ADARB2: variants seen among roughly 807,000 people sequenced by gnomAD.
ADARB2 encodes adenosine deaminase RNA specific B2 (inactive).
A neutral mutation model predicts 62.2 loss-of-function variants in ADARB2; 25 were observed. That is an observed-to-expected ratio of 0.40 (90% CI 0.29 to 0.56). The LOEUF (loss-of-function observed/expected upper bound fraction) is 0.56, where lower values mean the gene tolerates loss of function less well. Ranked by LOEUF, ADARB2 falls within the 20% of genes least tolerant of loss-of-function variation. ADARB2 has a pLI of 0.43. For missense variants in ADARB2, 1,071 were observed against 1,077.4 expected (o/e 0.99, Z 0.08); for synonymous variants, 572 against 500.8 (o/e 1.14, Z -1.90).
intron 1 of ADARB2, among the ~76,000 whole-genome samples, chr10:1,466,115 C>T (rs973386709): frequency 3.3e-5 from 5 of 152,250 alleles, no homozygotes; most frequent in African/African-American, 4.8e-5. Context: ...GGGTTAAACC[C>T]GTAGTCCACT....
chr10:1,328,720 G>C (rs11598750), intron 3 of ADARB2, among the ~76,000 whole-genome samples: 60,233 of 151,966 alleles, frequency 0.4, 14,282 homozygotes, highest in South Asian at 0.61. Context: ...GCCAAGCGTA[G>C]TGGCTCATAT....
intron 1 of ADARB2, among the ~76,000 whole-genome samples, chr10:1,468,266 G>T (rs1317863244): frequency 6.6e-6 from 1 of 152,176 alleles, no homozygotes. Flanking sequence ...TGGGAGGGAG[G>T]CCCAGGGTGG....
intron 3 of ADARB2, among the ~76,000 whole-genome samples, chr10:1,301,973 C>T (rs568521001): frequency 1.3e-5 from 2 of 152,292 alleles, no homozygotes; most frequent in African/African-American, 4.8e-5. Context: ...TGGTGTTGTG[C>T]ACTGCATGGG....
chr10:1,341,723 G>A (rs561487884), intron 3 of ADARB2, among the ~76,000 whole-genome samples: 24 of 149,526 alleles, frequency 1.6e-4, no homozygotes, highest in Admixed American at 4.6e-4. Context: ...AGGGAACCAC[G>A]TGCCCCACAG....
In ADARB2 at chr10:1,737,329, T is replaced by C. The variant is rs1835314985; in HGVS notation, c.-179A>G. On this transcript the variant is annotated 5_prime_UTR_variant, in exon 1 of 10. The change creates a new upstream start codon in the 5' untranslated region. Coordinates refer to ENST00000381312, the MANE Select transcript of ADARB2 (RefSeq NM_018702.4). ...TCTCTCTGTCTCTCGAATTGTTCTC[T>C]ATGACTTGCTCCCACTGGGCTGGGG... 2 of 620,414 alleles carry C rather than the reference T, an allele frequency of 3.2e-6. No individual in the cohort carries two copies. Among genetic ancestry groups the C allele is most frequent in the East Asian group, 5.7e-5 (2 of 35,206 alleles). 38.4% of individuals were successfully genotyped at this position (620,414 alleles called of 1,614,324 possible).
At chr10:1,496,079 ATCG>A (rs1222316319) in intron 1 of ADARB2, among the ~76,000 whole-genome samples, 3 of 151,712 alleles carry the variant, frequency 2.0e-5, no homozygotes, top group Admixed American at 6.6e-5. Flanking sequence ...CACTATTATC[ATCG>A]TCATCACCAT....
chr10:1,639,895 A>C (rs1307044505), intron 1 of ADARB2, among the ~76,000 whole-genome samples: 5 of 144,752 alleles, frequency 3.5e-5, no homozygotes, highest in Admixed American at 7.0e-5. Context: ...CAAACAAACA[A>C]AAACATGAAG....
chr10:1,325,209 A>G (rs1831833456), intron 3 of ADARB2, among the ~76,000 whole-genome samples: 1 of 152,186 alleles, frequency 6.6e-6, no homozygotes, highest in South Asian at 2.1e-4. Flanking sequence ...ACCTCCGTGG[A>G]CACAGAGTCC....
intron 3 of ADARB2, among the ~76,000 whole-genome samples, chr10:1,275,746 A>G (rs1831310352): frequency 6.8e-6 from 1 of 146,264 alleles, no homozygotes; most frequent in South Asian, 2.2e-4. Flanking sequence ...TATGAGTGAG[A>G]ACATGCAGTG....
chr10:1,291,716 C>T (rs1229200467), intron 3 of ADARB2: 1 of 152,218 alleles, frequency 6.6e-6, no homozygotes, highest in Non-Finnish European at 1.5e-5. Flanking sequence ...TAAATTTGGA[C>T]AAACATGCAA....
intron 1 of ADARB2, among the ~76,000 whole-genome samples, chr10:1,690,618 G>T (rs955951214): frequency 6.6e-6 from 1 of 152,240 alleles, no homozygotes; most frequent in Admixed American, 6.5e-5. Context: ...GGAGGGAAAG[G>T]AAGGCAGCCC....
chr10:1,647,574 TGTGTGTGTATA>T (rs774980114), intron 1 of ADARB2, among the ~76,000 whole-genome samples: 6 of 152,144 alleles, frequency 3.9e-5, no homozygotes, highest in African/African-American at 1.2e-4. Context: ...TCTGCATGTA[TGTGTGTGTATA>T]GTGTGTGTAT....
At chr10:1,599,874 G>T (rs940435274) in intron 1 of ADARB2, among the ~76,000 whole-genome samples, 54 of 152,186 alleles carry the variant, frequency 3.5e-4, no homozygotes, top group African/African-American at 1.1e-3. Context: ...AGCCTCCCAA[G>T]TAGCTAGGAC....
intron 1 of ADARB2, among the ~76,000 whole-genome samples, chr10:1,693,419 CT>C: frequency 1.3e-5 from 2 of 152,184 alleles, no homozygotes; most frequent in Non-Finnish European, 2.9e-5. Context: ...GCGCTGTCAT[CT>C]TCTCCTCTCT....
chr10:1,702,608 A>G (rs1005845338), intron 1 of ADARB2, among the ~76,000 whole-genome samples: 3 of 152,180 alleles, frequency 2.0e-5, no homozygotes, highest in African/African-American at 7.2e-5. Context: ...TCACCCCTCT[A>G]TTCTCAGACT....
rs1037882531 is a variant in ADARB2 at position 1,206,122 on chromosome 10, C to T, written c.1683-5975G>A. On this transcript the variant is annotated intron_variant, in intron 7 of 9. Transcript: ENST00000381312. The stretch of plus-strand genomic sequence containing the variant: ...TATCTCATTTCTCTTCTGAAAAACC[C>T]GTCTCAAAAACTCCCTTTCTCTTGA... Among the ~76,000 whole-genome samples the T allele has an allele frequency of 5.9e-5, 9 of 152,368 alleles. No individual in the cohort carries two copies. In the East Asian group the frequency reaches 7.7e-4, roughly 13 times the overall value.
intron 1 of ADARB2, among the ~76,000 whole-genome samples, chr10:1,603,128 TACAC>T (rs1833446984): frequency 7.5e-6 from 1 of 133,960 alleles, no homozygotes; most frequent in African/African-American, 2.8e-5. Context: ...CACACACCTA[TACAC>T]ACATAAACAC....
At chr10:1,555,539 G>A (rs757538314) in intron 1 of ADARB2, among the ~76,000 whole-genome samples, 1 of 152,202 alleles carries the variant, frequency 6.6e-6, no homozygotes, top group South Asian at 2.1e-4. Context: ...CCGTGAGTGA[G>A]TGTGCTCTTG....
At chr10:1,657,607 G>A (rs1050178487) in intron 1 of ADARB2, among the ~76,000 whole-genome samples, 10 of 152,308 alleles carry the variant, frequency 6.6e-5, no homozygotes, top group African/African-American at 2.4e-4. Flanking sequence ...ACAGAAGGCA[G>A]CATCTCCTGT....
Sources: gnomAD v4.1 joint callset for allele counts (sites outside exome capture counted in the v4.1 genomes callset) on GRCh38, gnomAD v4.1.1 for gene constraint, MANE v1.5 for transcripts, NCBI Gene and HGNC (gene_info 2026-07-23, HGNC 2026-07-21) for gene names.